AQP7B: variants seen among roughly 807,000 people sequenced by gnomAD.
The protein encoded by AQP7B is putative aquaporin-7B.
chr2:94,589,566 G>T, the AQP7B span, among the ~76,000 whole-genome samples: 1 of 151,792 alleles, frequency 6.6e-6, no homozygotes, highest in Admixed American at 6.6e-5. Flanking sequence ...TTATACAAAT[G>T]AACTTACTTA....
the AQP7B span, among the ~76,000 whole-genome samples, chr2:94,598,600 C>T: frequency 6.6e-6 from 1 of 152,206 alleles, no homozygotes. Context: ...GCCGCCACTC[C>T]AGCTGACTGT....
chr2:94,591,293 C>T, the AQP7B span, among the ~76,000 whole-genome samples: 2 of 152,294 alleles, frequency 1.3e-5, no homozygotes, highest in South Asian at 2.1e-4. Flanking sequence ...TGTCCATTCT[C>T]CCACAGCTTC....
chr2:94,592,904 A>T, the AQP7B span, among the ~76,000 whole-genome samples: 2 of 134,916 alleles, frequency 1.5e-5, no homozygotes, highest in Non-Finnish European at 3.0e-5. Flanking sequence ...GCTCACTGCA[A>T]CCTCTGCCTT....
At chr2:94,591,773 T>C in the AQP7B span, among the ~76,000 whole-genome samples, 1 of 152,276 alleles carries the variant, frequency 6.6e-6, no homozygotes, top group African/African-American at 2.4e-5. Flanking sequence ...CCTGCCTCCC[T>C]GGAGGCTCCT....
the AQP7B span, chr2:94,604,592 C>A: frequency 6.5e-7 from 1 of 1,539,900 alleles, no homozygotes; most frequent in South Asian, 1.2e-5. Context: ...TATTTGTGAT[C>A]CCATCCCTTC....
the AQP7B span, chr2:94,604,163 G>A: frequency 4.0e-6 from 4 of 1,002,770 alleles, no homozygotes; most frequent in Non-Finnish European, 5.8e-6. Context: ...AGGGCCCTGG[G>A]TTGGGGGTGT....
At chr2:94,599,632 C>T in the AQP7B span, among the ~76,000 whole-genome samples, 1 of 152,142 alleles carries the variant, frequency 6.6e-6, no homozygotes, top group Non-Finnish European at 1.5e-5. Flanking sequence ...CACTTCTGCA[C>T]CAATCCAGCT....
the AQP7B span, among the ~76,000 whole-genome samples, chr2:94,591,304 T>A: frequency 9.8e-5 from 15 of 152,298 alleles, no homozygotes; most frequent in African/African-American, 3.6e-4. Context: ...CCACAGCTTC[T>A]CTGCTGTGCC....
chr2:94,604,581 T>C, the AQP7B span: 3 of 1,565,032 alleles, frequency 1.9e-6, no homozygotes, highest in Non-Finnish European at 2.6e-6. Flanking sequence ...TAAGCAGAGA[T>C]TATTTGTGAT....
At chr2:94,601,141 G>C in the AQP7B span, among the ~76,000 whole-genome samples, 1 of 152,220 alleles carries the variant, frequency 6.6e-6, no homozygotes, top group Non-Finnish European at 1.5e-5. Flanking sequence ...TCTGGCACAG[G>C]TAACTGCCTG....
At chr2:94,596,242 C>A in the AQP7B span, among the ~76,000 whole-genome samples, 2 of 152,240 alleles carry the variant, frequency 1.3e-5, no homozygotes, top group East Asian at 3.8e-4. Context: ...GGGACAGTAT[C>A]CAGACTGCAG....
the AQP7B span, among the ~76,000 whole-genome samples, chr2:94,594,523 C>G: frequency 6.6e-6 from 1 of 152,236 alleles, no homozygotes. Context: ...CTAGTCCCAA[C>G]TAGAAGGGGC....
chr2:94,602,733 G>A, the AQP7B span: 2 of 1,119,634 alleles, frequency 1.8e-6, no homozygotes, highest in Non-Finnish European at 2.5e-6. Context: ...CTGGCCACCG[G>A]GCAGGAGGAA....
chr2:94,591,357 T>C, the AQP7B span, among the ~76,000 whole-genome samples: 1 of 152,172 alleles, frequency 6.6e-6, no homozygotes, highest in Non-Finnish European at 1.5e-5. Context: ...CCTGAGGGCA[T>C]CGCTGAGCTG....
the AQP7B span, chr2:94,603,249 G>A: frequency 1.4e-6 from 2 of 1,381,828 alleles, no homozygotes; most frequent in Non-Finnish European, 2.0e-6. Flanking sequence ...GGACCTCAGT[G>A]TCCTGATTTG....
chr2:94,598,010 C>A, the AQP7B span, among the ~76,000 whole-genome samples: 1 of 152,168 alleles, frequency 6.6e-6, no homozygotes, highest in African/African-American at 2.4e-5. Context: ...AGGGTAAGGT[C>A]CTCACTTTCA....
At chr2:94,601,580 T>A in the AQP7B span, among the ~76,000 whole-genome samples, 2 of 151,904 alleles carry the variant, frequency 1.3e-5, no homozygotes, top group Non-Finnish European at 2.9e-5. Flanking sequence ...GGAAGCCAGA[T>A]TGAGGAGGGG....
the AQP7B span, among the ~76,000 whole-genome samples, chr2:94,589,503 C>T: frequency 6.6e-6 from 1 of 152,282 alleles, no homozygotes; most frequent in South Asian, 2.1e-4. Context: ...CCCCTGCACT[C>T]CCAATTCCCC....
At chr2:94,595,741 G>A in the AQP7B span, among the ~76,000 whole-genome samples, 1 of 152,120 alleles carries the variant, frequency 6.6e-6, no homozygotes, top group Non-Finnish European at 1.5e-5. Flanking sequence ...TGGAATCGGG[G>A]AGACTCTGCC....
Sources: allele counts gnomAD v4.1 joint callset (sites outside exome capture counted in the v4.1 genomes callset), GRCh38; gene constraint gnomAD v4.1.1; transcripts MANE v1.5; gene names NCBI Gene and HGNC (gene_info 2026-07-23, HGNC 2026-07-21).